Variants in SNTG2 observed in about 807,000 individuals in gnomAD.
The protein encoded by SNTG2 is gamma-2-syntrophin.
In SNTG2, 74 loss-of-function variants were observed where a neutral mutation model predicts 70.9. The ratio of observed to expected loss-of-function variants is 1.04; its 90% CI spans 0.86 to 1.27. The LOEUF is 1.27. Ranked by LOEUF, SNTG2 falls within the 50% of genes most tolerant of loss-of-function variation. The pLI is 0.00. For synonymous variants in SNTG2, 278 were observed against 273.8 expected (o/e 1.02, Z -0.15); for missense variants, 717 against 690.7 (o/e 1.04, Z -0.43).
intron 8 of SNTG2, among the ~76,000 whole-genome samples, chr2:1,183,388 A>G (rs1415589180): frequency 1.3e-5 from 2 of 152,100 alleles, no homozygotes; most frequent in Non-Finnish European, 2.9e-5. Context: ...TTTCAGGGTG[A>G]TATGATACGT....
At chr2:1,079,786 A>G (rs1232234968) in intron 1 of SNTG2, among the ~76,000 whole-genome samples, 1 of 152,208 alleles carries the variant, frequency 6.6e-6, no homozygotes, top group Non-Finnish European at 1.5e-5. Context: ...CAGCGTGATG[A>G]ATTAGTTGGA....
In SNTG2 at chr2:1,175,834, G is replaced by T. The variant is rs374458912; in HGVS notation, c.591+2651G>T. On this transcript the variant is annotated intron_variant, in intron 8 of 16. Transcript: ENST00000308624. ...GAAGGAGACACAGAGCATGGGGCAT[G>T]ATTCGGTGCCATTTCAGGAAAGGTC... Among the ~76,000 whole-genome samples the T allele has an allele frequency of 7.2e-5, 11 of 152,304 alleles. No homozygotes were observed. In the East Asian group the frequency reaches 7.7e-4, roughly 11 times the overall value.
At chr2:952,034 T>C (rs1262387775) in intron 1 of SNTG2, among the ~76,000 whole-genome samples, 4 of 152,222 alleles carry the variant, frequency 2.6e-5, no homozygotes, top group African/African-American at 9.6e-5. Context: ...TCGTCGCTAC[T>C]GTGATGTTAA....
At chr2:1,000,779 A>G (rs984887294) in intron 1 of SNTG2, among the ~76,000 whole-genome samples, 2 of 151,892 alleles carry the variant, frequency 1.3e-5, no homozygotes, top group Non-Finnish European at 2.9e-5. Context: ...AACCAGTATC[A>G]TCATGATAAA....
chr2:1,069,845 T>G (rs2148133730), intron 1 of SNTG2, among the ~76,000 whole-genome samples: 1 of 152,016 alleles, frequency 6.6e-6, no homozygotes, highest in East Asian at 1.9e-4. Context: ...CCTAGAAAGC[T>G]GTCTAGTTGA....
At position 1,083,668 on chromosome 2, in the gene SNTG2, A is replaced by G; in HGVS notation, c.210+13A>G. On this transcript the variant is annotated intron_variant, in intron 2 of 16. Transcript: ENST00000308624. Reference sequence around the variant, plus strand: ...CCAGGGCAGGAATGTAAGTGCCATCACTTCAGGGAAGTCTTGGAGTGTTTC... The same window carrying G: ...CCAGGGCAGGAATGTAAGTGCCATCGCTTCAGGGAAGTCTTGGAGTGTTTC... 6.2e-7 allele frequency: 1 copy of G among 1,613,662 alleles called. No individual in the cohort carries two copies.
At chr2:992,794 C>A (rs1013574456) in intron 1 of SNTG2, among the ~76,000 whole-genome samples, 1 of 152,196 alleles carries the variant, frequency 6.6e-6, no homozygotes. Flanking sequence ...CCAAAGCTGT[C>A]TTATTCTTTT....
intron 1 of SNTG2, among the ~76,000 whole-genome samples, chr2:973,609 T>C (rs1398253437): frequency 6.6e-6 from 1 of 152,014 alleles, no homozygotes; most frequent in Non-Finnish European, 1.5e-5. Context: ...TCTTTGAACA[T>C]GCCTCTGCCT....
intron 9 of SNTG2, among the ~76,000 whole-genome samples, chr2:1,213,016 T>C (rs1674146915): frequency 6.6e-6 from 1 of 152,252 alleles, no homozygotes. Context: ...CAGCATCCTG[T>C]GGGTGTCCCC....
At chr2:1,112,533 T>TTGTGAAGGA (rs1666551481) in intron 4 of SNTG2, among the ~76,000 whole-genome samples, 1 of 151,374 alleles carries the variant, frequency 6.6e-6, no homozygotes, top group Non-Finnish European at 1.5e-5. Context: ...TTACAGTCCT[T>TTGTGAAGGA]TCAGAAAGAT....
At chr2:1,169,255 G>A (rs982788090) in intron 7 of SNTG2, among the ~76,000 whole-genome samples, 3 of 152,138 alleles carry the variant, frequency 2.0e-5, no homozygotes, top group African/African-American at 4.8e-5. Context: ...TGATAAAGGA[G>A]GAGACAGACA....
chr2:1,112,524 TAC>T, intron 4 of SNTG2, among the ~76,000 whole-genome samples: 1 of 151,312 alleles, frequency 6.6e-6, no homozygotes, highest in Non-Finnish European at 1.5e-5. Context: ...GTGTAACCCT[TAC>T]AGTCCTTTCA....
At chr2:1,199,633 A>G (rs1402330265) in intron 8 of SNTG2, among the ~76,000 whole-genome samples, 2 of 152,070 alleles carry the variant, frequency 1.3e-5, no homozygotes, top group South Asian at 2.1e-4. Context: ...TGAAGACTTC[A>G]CCAAAAAACT....
chr2:1,045,119 G>C (rs1281147698), intron 1 of SNTG2, among the ~76,000 whole-genome samples: 1 of 151,776 alleles, frequency 6.6e-6, no homozygotes, highest in Non-Finnish European at 1.5e-5. Flanking sequence ...GTTCAATCTT[G>C]ATAGATTGCA....
intron 4 of SNTG2, among the ~76,000 whole-genome samples, chr2:1,131,615 C>T (rs1002861074): frequency 4.6e-5 from 7 of 151,802 alleles, no homozygotes; most frequent in Middle Eastern, 3.2e-3. Flanking sequence ...ATGAGGGTCC[C>T]GTTTAACCTG....
At chr2:957,328 G>T (rs951182181) in intron 1 of SNTG2, among the ~76,000 whole-genome samples, 7 of 150,374 alleles carry the variant, frequency 4.7e-5, no homozygotes, top group African/African-American at 1.5e-4. Flanking sequence ...CCCTGCTTGA[G>T]GGGGAGCAAC....
intron 1 of SNTG2, among the ~76,000 whole-genome samples, chr2:1,052,025 A>C (rs1458845809): frequency 6.6e-6 from 1 of 152,014 alleles, no homozygotes; most frequent in Non-Finnish European, 1.5e-5. Flanking sequence ...TTTTTGGATT[A>C]GATTTCATAA....
chr2:1,092,505 AC>A (rs1665099294), intron 2 of SNTG2, among the ~76,000 whole-genome samples: 1 of 152,238 alleles, frequency 6.6e-6, no homozygotes. Context: ...GCAGTGTTTT[AC>A]CTGTAGAACT....
At chr2:1,071,905 A>G (rs1663585193) in intron 1 of SNTG2, among the ~76,000 whole-genome samples, 1 of 152,242 alleles carries the variant, frequency 6.6e-6, no homozygotes, top group South Asian at 2.1e-4. Context: ...TCTCTTAGCC[A>G]GAGCCTAATC....
Sources: allele counts gnomAD v4.1 joint callset (sites outside exome capture counted in the v4.1 genomes callset), GRCh38; gene constraint gnomAD v4.1.1; transcripts MANE v1.5; gene names NCBI Gene and HGNC (gene_info 2026-07-23, HGNC 2026-07-21).